RHBDF1: variants seen among roughly 807,000 people sequenced by gnomAD.
RHBDF1 encodes inactive rhomboid protein 1.
In RHBDF1, 80 loss-of-function variants were observed where a neutral mutation model predicts 98.6. The ratio of observed to expected loss-of-function variants is 0.81; its 90% CI spans 0.68 to 0.98. The LOEUF (loss-of-function observed/expected upper bound fraction) is 0.98. Among genes scored for constraint, RHBDF1 ranks in the 50% least tolerant of loss-of-function variants. RHBDF1 has a pLI of 0.00. For missense variants in RHBDF1, 1,116 were observed against 1,198.3 expected, an observed-to-expected ratio of 0.93 and a Z score of 1.01; for synonymous variants, 512 against 486.8, an observed-to-expected ratio of 1.05 and a Z score of -0.68.
intron 1 of RHBDF1, among the ~76,000 whole-genome samples, chr16:69,113 A>C (rs546814035): frequency 6.6e-6 from 1 of 152,084 alleles, no homozygotes; most frequent in Admixed American, 6.5e-5. Flanking sequence ...AGGACCCTAG[A>C]GCATATGCAA....
chr16:66,386 C>T (rs1170307282), intron 1 of RHBDF1, among the ~76,000 whole-genome samples: 1 of 152,152 alleles, frequency 6.6e-6, no homozygotes, highest in South Asian at 2.1e-4. Context: ...GCCTCGCTCA[C>T]GGTCATATAT....
chr16:59,280 G>C lies in RHBDF1; in HGVS notation c.1963C>G (p.Arg655Gly). 1 of 1,610,102 alleles carries C rather than the reference G, an allele frequency of 6.2e-7. No homozygotes were observed. The highest frequency in any genetic ancestry group is 8.5e-7 in the Non-Finnish European group (1 of 1,177,878). ...TGCAGGAAGAGGGATAGCCACAGGCGGTAGAACTGGTCAGGCACCTCGGGG... is the reference window on the plus strand; with the variant it reads ...TGCAGGAAGAGGGATAGCCACAGGCCGTAGAACTGGTCAGGCACCTCGGGG... ...LNPEVPDQFY[R>G]LWLSLFLHAG... is the part of the protein sequence containing the mutation. The change falls in exon 16 of 18, where the codon CGC becomes GGC. Residue 655 changes from arginine to glycine, a missense_variant. Physicochemically the swap from Arg to Gly is moderately radical, Grantham distance 125. Transcript: ENST00000262316.
chr16:74,236 A>G (rs1270112599), upstream of RHBDF1, among the ~76,000 whole-genome samples: 1 of 220 alleles, frequency 4.5e-3, no homozygotes, highest in African/African-American at 0.017. Flanking sequence ...GCTTAGCATT[A>G]TTGACCTGCC....
Position 72,512 on chromosome 16 carries a change from C to T in RHBDF1, c.-25+1G>A. 1 of 861,182 alleles carries T rather than the reference C, an allele frequency of 1.2e-6. No homozygotes were observed. The allele number at this position is 861,182 out of a possible 1,614,324, so 53.3% of individuals were successfully genotyped here. On this transcript the variant is annotated splice_donor_variant, in intron 1 of 17. Transcript: ENST00000262316. LOFTEE classifies it low-confidence loss of function (5UTR_SPLICE). The stretch of plus-strand genomic sequence containing the variant: ...CTGCGCTCCCGGCCGCGCTCACTCA[C>T]TGCCGCCGCCGGGGGCTCTGGGGGG...
intron 1 of RHBDF1, among the ~76,000 whole-genome samples, chr16:68,795 G>C (rs1897896313): frequency 6.6e-6 from 1 of 152,214 alleles, no homozygotes; most frequent in African/African-American, 2.4e-5. Flanking sequence ...GGGGATGGTG[G>C]AGAGTCCTGT....
intron 1 of RHBDF1, among the ~76,000 whole-genome samples, chr16:65,624 C>A (rs1293868994): frequency 6.6e-6 from 1 of 152,172 alleles, no homozygotes; most frequent in Non-Finnish European, 1.5e-5. Flanking sequence ...GCAAATCTCA[C>A]ACCTGTCTTA....
At position 62,603 on chromosome 16, in the gene RHBDF1, C is replaced by T. The variant is rs138454213; in HGVS notation, c.888G>A (p.Pro296=). Residue 296 remains proline (P), a synonymous_variant, in exon 7 of 18, where the codon CCG becomes CCA. Transcript: ENST00000262316. ...CCCCGCCGGTGAGGTCCGCCTGCTC[C>T]GGTGCCTTCTCCCAGTCCTTTAGCG... The part of the protein sequence containing the change: ...EAALKDWEKA[P]EQADLTGGAL... 5.0e-6 allele frequency: 8 copies of T among 1,613,688 alleles called. No individual in the cohort carries two copies. Among genetic ancestry groups the T allele is most frequent in the Admixed American group, 1.7e-5 (1 of 60,006 alleles).
upstream of RHBDF1, among the ~76,000 whole-genome samples, chr16:75,506 C>T (rs1478806428): frequency 6.6e-6 from 1 of 152,186 alleles, no homozygotes; most frequent in Non-Finnish European, 1.5e-5. Context: ...CAGCTCCTGG[C>T]TATTTGGGGA....
In RHBDF1 at chr16:62,582, G is replaced by A. The variant is rs377167453; in HGVS notation, c.909C>T (p.Gly303=). Residue 303 remains glycine (G), a synonymous_variant, in exon 7 of 18, where the codon GGC becomes GGT. Transcript: ENST00000262316. ...CAAGCTCGCTGCGGTCCAGGGCCCC[G>A]CCGGTGAGGTCCGCCTGCTCCGGTG... ...EKAPEQADLT[G]GALDRSELER... is the part of the protein sequence containing the mutation. The A allele has an allele frequency of 1.6e-5, 26 of 1,613,414 alleles. No individual in the cohort carries two copies. The Admixed American group carries it at 2.2e-4, about 13-fold the overall frequency.
intron 3 of RHBDF1, 28 bp downstream of exon 3, chr16:64,671 C>A (rs1897773710): frequency 1.3e-6 from 2 of 1,589,776 alleles, no homozygotes; most frequent in South Asian, 1.1e-5. Flanking sequence ...AGCTCCCACC[C>A]CATGGAGCAG....
intron 16 of RHBDF1, 54 bp from the exon 17 acceptor site, chr16:59,181 T>G: frequency 1.9e-6 from 3 of 1,597,126 alleles, no homozygotes; most frequent in Non-Finnish European, 2.6e-6. Flanking sequence ...AAGTGACCTT[T>G]CTGCCACCCC....
At chr16:71,257 A>T (rs557624859) in intron 1 of RHBDF1, among the ~76,000 whole-genome samples, 29 of 152,272 alleles carry the variant, frequency 1.9e-4, no homozygotes, top group African/African-American at 6.5e-4. Context: ...AAGGGCTGGG[A>T]AAGGGTCTGA....
At chr16:67,183 G>A (rs987507563) in intron 1 of RHBDF1, among the ~76,000 whole-genome samples, 3 of 152,252 alleles carry the variant, frequency 2.0e-5, no homozygotes, top group East Asian at 1.9e-4. Context: ...CAGACACGTT[G>A]GGAAGGCAGG....
chr16:70,013 G>T (rs564065434), intron 1 of RHBDF1, among the ~76,000 whole-genome samples: 1 of 132,184 alleles, frequency 7.6e-6, no homozygotes, highest in Non-Finnish European at 1.5e-5. Flanking sequence ...TTGGCAGGAG[G>T]GGGGGGGGCA....
chr16:62,805 G>C lies in RHBDF1; in HGVS notation c.765C>G (p.Pro255=), dbSNP rs147405134. 32 of 1,614,052 alleles carry C rather than the reference G, an allele frequency of 2.0e-5. No individual in the cohort carries two copies. In the African/African-American group the frequency reaches 3.7e-4, roughly 19 times the overall value. ...SFLEEDTTDF[P]DELDTSFFAR... is the part of the protein sequence containing the mutation. ...CAAAGAAGGATGTGTCCAGCTCATC[G>C]GGGAAATCAGTTGTGTCCTCCTCCA... Residue 255 remains proline (P), a synonymous_variant, in exon 6 of 18, where the codon CCC becomes CCG. Transcript: ENST00000262316.
chr16:60,822 A>T (rs1897582663), intron 11 of RHBDF1: 1 of 563,854 alleles, frequency 1.8e-6, no homozygotes, highest in East Asian at 3.0e-5. Context: ...GTTGGGATGA[A>T]TTTTTTTAAA....
Position 59,514 on chromosome 16 carries a change from T to A in RHBDF1, c.1818-20A>T, listed in dbSNP as rs761723799. The A allele has an allele frequency of 3.1e-6, 5 of 1,608,982 alleles. No homozygotes were observed. The highest frequency in any genetic ancestry group is 4.2e-6 in the Non-Finnish European group (5 of 1,177,094). ...TCACACCTAGAAAGGCAGGCCAGGG[T>A]TCGGAGACTGCTGCCTTGCAGAGGG... On this transcript the variant is annotated intron_variant, in intron 14 of 17. Coordinates refer to ENST00000262316, the MANE Select transcript of RHBDF1 (RefSeq NM_022450.5).
At position 58,427 on chromosome 16, in the gene RHBDF1, G is replaced by A. The variant is rs1213470285; in HGVS notation, c.2481C>T (p.Val827=). The A allele has an allele frequency of 1.2e-6, 2 of 1,614,072 alleles. No individual in the cohort carries two copies. The highest frequency in any genetic ancestry group is 2.2e-5 in the South Asian group (2 of 91,082). Residue 827 remains valine, a synonymous_variant, in exon 18 of 18, where the codon GTC becomes GTT. Coordinates refer to ENST00000262316, the MANE Select transcript of RHBDF1 (RefSeq NM_022450.5). ...GLVVLFYVYP[V]RCEWCEFLTC... ...TGAGGAACTCACACCACTCACAGCGGACAGGATAGACGTAGAAGAGGACCA... is the reference window on the plus strand; with the variant it reads ...TGAGGAACTCACACCACTCACAGCGAACAGGATAGACGTAGAAGAGGACCA...
At chr16:60,959 A>C in intron 11 of RHBDF1, 161 bp downstream of exon 11, 1 of 716,960 alleles carries the variant, frequency 1.4e-6, no homozygotes, top group Non-Finnish European at 2.2e-6. Context: ...GAGATGGGGG[A>C]GGGTGGGGAT....
Sources: gnomAD v4.1 joint callset for allele counts (sites outside exome capture counted in the v4.1 genomes callset) on GRCh38, gnomAD v4.1.1 for gene constraint, MANE v1.5 for transcripts, NCBI Gene and HGNC (gene_info 2026-07-23, HGNC 2026-07-21) for gene names.